Variants in AGBL1 observed in about 807,000 individuals in gnomAD.
The protein encoded by AGBL1 is AGBL carboxypeptidase 1, also known as cytosolic carboxypeptidase 4.
In AGBL1, 130 loss-of-function variants were observed where a neutral mutation model predicts 118.9. That is an observed-to-expected ratio of 1.09 (90% confidence interval 0.95 to 1.26). AGBL1 has a LOEUF of 1.26. Among genes scored for constraint, AGBL1 ranks in the 50% most tolerant of loss-of-function variants. AGBL1 has a pLI of 0.00. For synonymous variants in AGBL1, 555 were observed against 478.9 expected (o/e 1.16, Z -2.08); for missense variants, 1,584 against 1,298.1 (o/e 1.22, Z -3.38).
At chr15:87,007,341 A>G (rs2081515362) in intron 24 of AGBL1, among the ~76,000 whole-genome samples, 1 of 152,226 alleles carries the variant, frequency 6.6e-6, no homozygotes, top group African/African-American at 2.4e-5. Flanking sequence ...CAGCAGCAAA[A>G]TAAACCCCAC....
At chr15:86,748,466 G>T (rs1180077988) in intron 22 of AGBL1, among the ~76,000 whole-genome samples, 4 of 118,010 alleles carry the variant, frequency 3.4e-5, no homozygotes, top group African/African-American at 1.3e-4. Flanking sequence ...CTTTTGTTGT[G>T]CAGAAGCTCT....
intron 22 of AGBL1, among the ~76,000 whole-genome samples, chr15:86,721,438 AAAATTCAAC>A (rs1218635428): frequency 5.3e-5 from 8 of 152,210 alleles, no homozygotes; most frequent in African/African-American, 1.9e-4. Flanking sequence ...GGCCTTTGAC[AAAATTCAAC>A]AACGCTTCAT....
intron 21 of AGBL1, among the ~76,000 whole-genome samples, chr15:86,649,260 G>A (rs1444013703): frequency 1.3e-5 from 2 of 152,084 alleles, no homozygotes; most frequent in Non-Finnish European, 2.9e-5. Flanking sequence ...AGAGGTTGTG[G>A]GAGTCTTTGG....
chr15:86,576,886 G>A (rs1050285830), intron 21 of AGBL1, among the ~76,000 whole-genome samples: 1 of 152,130 alleles, frequency 6.6e-6, no homozygotes, highest in Non-Finnish European at 1.5e-5. Context: ...TGGTTGTAAA[G>A]CCTCCTCAGC....
intron 19 of AGBL1, among the ~76,000 whole-genome samples, chr15:86,543,470 A>G (rs2083533230): frequency 6.6e-6 from 1 of 152,194 alleles, no homozygotes; most frequent in Non-Finnish European, 1.5e-5. Context: ...TTTCATTTCC[A>G]TTCTTTTAAT....
chr15:86,228,494 G>A (rs1597589682), intron 6 of AGBL1, among the ~76,000 whole-genome samples: 1 of 152,142 alleles, frequency 6.6e-6, no homozygotes, highest in South Asian at 2.1e-4. Context: ...CCACTACTCT[G>A]CAGGGAGAGG....
At chr15:86,131,254 A>G (rs1475541606) in intron 1 of AGBL1, among the ~76,000 whole-genome samples, 2 of 152,130 alleles carry the variant, frequency 1.3e-5, no homozygotes, top group Non-Finnish European at 2.9e-5. Flanking sequence ...CTTCCATTGC[A>G]TTCTATTTGG....
chr15:86,886,915 T>G (rs2141546225), intron 22 of AGBL1, among the ~76,000 whole-genome samples: 1 of 152,236 alleles, frequency 6.6e-6, no homozygotes, highest in African/African-American at 2.4e-5. Flanking sequence ...GAAGCTCCTT[T>G]CTCTCGCCAA....
chr15:86,949,572 CAAA>C (rs1217450556), intron 23 of AGBL1, among the ~76,000 whole-genome samples: 3 of 151,590 alleles, frequency 2.0e-5, no homozygotes, highest in African/African-American at 7.3e-5. Flanking sequence ...GACTCTGAGA[CAAA>C]AAATACTGCT....
At chr15:86,255,659 G>C (rs1232457985) in intron 7 of AGBL1, among the ~76,000 whole-genome samples, 1 of 152,154 alleles carries the variant, frequency 6.6e-6, no homozygotes, top group Non-Finnish European at 1.5e-5. Context: ...GCAGGCATCT[G>C]TAATCCCAGC....
intron 18 of AGBL1, among the ~76,000 whole-genome samples, chr15:86,510,587 T>C (rs902977847): frequency 7.9e-5 from 12 of 152,112 alleles, no homozygotes; most frequent in African/African-American, 2.9e-4. Flanking sequence ...TACAAAACAA[T>C]GTCTATTTTT....
intron 22 of AGBL1, among the ~76,000 whole-genome samples, chr15:86,852,013 C>A (rs1206197430): frequency 6.6e-6 from 1 of 152,144 alleles, no homozygotes; most frequent in Admixed American, 6.5e-5. Flanking sequence ...TGCAGGGGAA[C>A]TACTACATAA....
chr15:86,648,338 A>G (rs2085319751), intron 21 of AGBL1, among the ~76,000 whole-genome samples: 1 of 152,098 alleles, frequency 6.6e-6, no homozygotes, highest in Non-Finnish European at 1.5e-5. Context: ...CAGATTCTGA[A>G]TATATGTTGA....
intron 6 of AGBL1, among the ~76,000 whole-genome samples, chr15:86,230,363 A>G (rs2078436209): frequency 6.6e-6 from 1 of 152,248 alleles, no homozygotes; most frequent in Admixed American, 6.5e-5. Flanking sequence ...TCAGGTCTTT[A>G]TAAGAATTCT....
intron 22 of AGBL1, among the ~76,000 whole-genome samples, chr15:86,719,091 A>G (rs953051007): frequency 6.6e-6 from 1 of 152,162 alleles, no homozygotes; most frequent in Non-Finnish European, 1.5e-5. Context: ...TGGGAAACAT[A>G]CCATCAAAAT....
chr15:86,525,544 C>T (rs2083251745), intron 19 of AGBL1, among the ~76,000 whole-genome samples: 1 of 152,044 alleles, frequency 6.6e-6, no homozygotes, highest in South Asian at 2.1e-4. Flanking sequence ...GCACATAGAC[C>T]AATGGAACAG....
At chr15:86,919,929 CT>C (rs2141618116), downstream of AGBL1, among the ~76,000 whole-genome samples, 1 of 152,236 alleles carries the variant, frequency 6.6e-6, no homozygotes, top group East Asian at 1.9e-4. Flanking sequence ...TGCCATGGGC[CT>C]CAGGAGTAAA....
chr15:86,124,602 A>T (rs890696338), intron 1 of AGBL1, among the ~76,000 whole-genome samples: 1 of 152,158 alleles, frequency 6.6e-6, no homozygotes, highest in Non-Finnish European at 1.5e-5. Flanking sequence ...TGTTTCCTTA[A>T]GGGACTTGGT....
intron 22 of AGBL1, among the ~76,000 whole-genome samples, chr15:86,779,245 C>T (rs1473972365): frequency 6.6e-6 from 1 of 152,218 alleles, no homozygotes; most frequent in Non-Finnish European, 1.5e-5. Flanking sequence ...AAGGCACCAT[C>T]TGTGAACCAG....
Sources: allele counts gnomAD v4.1 joint callset (sites outside exome capture counted in the v4.1 genomes callset), GRCh38; gene constraint gnomAD v4.1.1; transcripts MANE v1.5; gene names NCBI Gene and HGNC (gene_info 2026-07-23, HGNC 2026-07-21).